Variants in MTBP observed in about 807,000 individuals in gnomAD.
MTBP encodes the protein MDM2 binding protein.
Under a neutral mutation model 117.0 loss-of-function variants are expected in MTBP, and 101 were observed. That is an observed-to-expected ratio of 0.86 (90% confidence interval 0.73 to 1.02). The LOEUF is 1.02. MTBP is among the 50% of genes least tolerant of loss of function. The probability of loss-of-function intolerance (pLI) is 0.00; values close to 1 mark genes in which losing one functional copy is unlikely to be tolerated. For synonymous variants in MTBP, 350 were observed against 351.5 expected (o/e 1.00, Z 0.05); for missense variants, 970 against 1,030.9 (o/e 0.94, Z 0.81).
intron 16 of MTBP, among the ~76,000 whole-genome samples, chr8:120,507,343 A>G (rs1417435924): frequency 2.0e-5 from 3 of 152,146 alleles, no homozygotes. Flanking sequence ...CCAAGTAAGA[A>G]TTCAGTGTCT....
intron 2 of MTBP, 61 bp downstream of exon 2, chr8:120,446,574 T>A: frequency 9.7e-7 from 1 of 1,031,454 alleles, no homozygotes; most frequent in Non-Finnish European, 1.5e-6. Flanking sequence ...TTAACTTAAT[T>A]AATTTGGACC....
chr8:120,455,299 G>A (rs376016181), intron 5 of MTBP, 136 bp from the exon 6 acceptor site: 1 of 497,566 alleles, frequency 2.0e-6, no homozygotes, highest in African/African-American at 2.0e-5. Context: ...AAAACTAAAA[G>A]CTTCCTTTGT....
chr8:120,461,453 C>G (rs1183393974), intron 9 of MTBP, among the ~76,000 whole-genome samples, 198 bp downstream of exon 9: 1 of 152,128 alleles, frequency 6.6e-6, no homozygotes, highest in Non-Finnish European at 1.5e-5. Context: ...TTCCCACCAC[C>G]TGGATCCTAT....
chr8:120,488,454 C>A, intron 12 of MTBP, 122 bp downstream of exon 12: 1 of 683,578 alleles, frequency 1.5e-6, no homozygotes, highest in Non-Finnish European at 2.1e-6. Context: ...AAACTCCATT[C>A]TCTTTCATTA....
At chr8:120,520,761 T>G (rs550898112) in intron 20 of MTBP, among the ~76,000 whole-genome samples, 116 of 151,012 alleles carry the variant, frequency 7.7e-4, no homozygotes, top group South Asian at 7.2e-3. Context: ...ATCTTCAAAT[T>G]CTGAGGGATG....
chr8:120,451,063 A>G lies in MTBP; in HGVS notation c.260A>G (p.Tyr87Cys). 1 of 1,611,592 alleles carries G rather than the reference A, an allele frequency of 6.2e-7. No homozygotes were observed. Residue 87 changes from tyrosine (Y) to cysteine (C), a missense_variant, in exon 3 of 22, where the codon TAT becomes TGT. Transcript: ENST00000305949. The stretch of plus-strand genomic sequence containing the variant: ...TGGTTCTTTGCAGTGCAGGCAATAT[A>G]TGGATTTTATCAGGTAATATAAATT... ...KKWFFAVQAI[Y>C]GFYQFCSSDW...
intron 9 of MTBP, 89 bp downstream of exon 9, chr8:120,461,344 G>A (rs886383951): frequency 4.4e-5 from 39 of 884,550 alleles, no homozygotes; most frequent in Non-Finnish European, 6.5e-5. Context: ...TACATGTTAG[G>A]TATATCTTTT....
At position 120,451,236 on chromosome 8, in the gene MTBP, T is replaced by TCAAACGAA; in HGVS notation, c.340_347dup (p.Ile117LysfsTer53). The stretch of plus-strand genomic sequence containing the variant: ...AAAAAGATAAAATTGAAGATGTTCT[T>TCAAACGAA]CAAACGAATATCGAAGAATGTTTGG... On this transcript the variant is annotated frameshift_variant, in exon 4 of 22. Transcript: ENST00000305949. LOFTEE classifies it high-confidence loss of function. 1 of 1,612,194 alleles carries TCAAACGAA rather than the reference T, an allele frequency of 6.2e-7. No homozygotes were observed. Among genetic ancestry groups the TCAAACGAA allele is most frequent in the African/African-American group, 1.3e-5 (1 of 75,020 alleles).
Position 120,455,592 on chromosome 8 carries a change from G to T in MTBP, c.629+13G>T, listed in dbSNP as rs201414710. On this transcript the variant is annotated intron_variant, in intron 6 of 21. Transcript: ENST00000305949. ...ATCATTGTGAAATGTAAGCTTCTTT[G>T]TTCATATTTGATTATTGTCTGCCTT... 6.2e-7 allele frequency: 1 copy of T among 1,602,310 alleles called. No homozygotes were observed. The highest frequency in any genetic ancestry group is 8.5e-7 in the Non-Finnish European group (1 of 1,176,258).
At chr8:120,485,583 T>A (rs1165743778) in intron 11 of MTBP, among the ~76,000 whole-genome samples, 1 of 152,220 alleles carries the variant, frequency 6.6e-6, no homozygotes, top group Non-Finnish European at 1.5e-5. Flanking sequence ...GTATTTATAA[T>A]GTTTGCTTTG....
chr8:120,499,367 T>C (rs995188976), intron 14 of MTBP, among the ~76,000 whole-genome samples: 10 of 152,184 alleles, frequency 6.6e-5, no homozygotes, highest in Non-Finnish European at 1.0e-4. Flanking sequence ...TTTCAGTTGT[T>C]TTATGTTATA....
chr8:120,470,852 TA>T lies in MTBP; in HGVS notation c.1081del (p.Ser361ValfsTer4), dbSNP rs1563790695. The T allele has an allele frequency of 6.2e-7, 1 of 1,611,418 alleles. No individual in the cohort carries two copies. The highest frequency in any genetic ancestry group is 8.5e-7 in the Non-Finnish European group (1 of 1,178,072). ...CTCTTTTTGTATTGCCATGTACCAT[TA>T]GTAACATACTGATTCCACCTCCCAA... is the stretch of plus-strand genomic sequence containing the variant. ...GALFVLPCTI[S>X]NILIPPPNQL... is the part of the protein sequence containing the mutation. On this transcript the variant is annotated frameshift_variant, in exon 11 of 22. Transcript: ENST00000305949. LOFTEE classifies it high-confidence loss of function.
chr8:120,518,163 T>G, intron 19 of MTBP, 63 bp downstream of exon 19: 1 of 1,508,898 alleles, frequency 6.6e-7, no homozygotes, highest in Admixed American at 2.1e-5. Context: ...TTTGATTACT[T>G]TAAAATATAT....
At chr8:120,492,883 G>T (rs1226454154) in intron 13 of MTBP, among the ~76,000 whole-genome samples, 4 of 151,828 alleles carry the variant, frequency 2.6e-5, no homozygotes, top group African/African-American at 9.7e-5. Context: ...CAAATTTGTT[G>T]GTAATTTATG....
chr8:120,467,286 G>A (rs996950515), intron 10 of MTBP, among the ~76,000 whole-genome samples: 5 of 152,192 alleles, frequency 3.3e-5, no homozygotes, highest in Non-Finnish European at 5.9e-5. Flanking sequence ...ATGACTGCTT[G>A]TTGGAGAGGA....
chr8:120,460,701 AT>A (rs529684278), intron 8 of MTBP, among the ~76,000 whole-genome samples: 3 of 150,426 alleles, frequency 2.0e-5, no homozygotes, highest in African/African-American at 4.9e-5. Flanking sequence ...TTTCACTAGA[AT>A]TTTTTTTTTC....
At chr8:120,512,382 AT>A (rs1304433409) in intron 17 of MTBP, among the ~76,000 whole-genome samples, 1 of 152,012 alleles carries the variant, frequency 6.6e-6, no homozygotes, top group Non-Finnish European at 1.5e-5. Flanking sequence ...TATTTAGATT[AT>A]TTCTCCCAAA....
intron 16 of MTBP, among the ~76,000 whole-genome samples, chr8:120,507,355 C>T (rs775686852): frequency 4.6e-5 from 7 of 152,024 alleles, no homozygotes; most frequent in Non-Finnish European, 8.8e-5. Flanking sequence ...TCAGTGTCTA[C>T]GTGAATAAAT....
At chr8:120,469,309 G>A (rs956916696) in intron 10 of MTBP, among the ~76,000 whole-genome samples, 4 of 151,808 alleles carry the variant, frequency 2.6e-5, no homozygotes, top group Non-Finnish European at 5.9e-5. Context: ...GCCTCCCAAA[G>A]TGCTGAGATT....
Sources: allele counts gnomAD v4.1 joint callset (sites outside exome capture counted in the v4.1 genomes callset), GRCh38; gene constraint gnomAD v4.1.1; transcripts MANE v1.5; gene names NCBI Gene and HGNC (gene_info 2026-07-23, HGNC 2026-07-21).